The following PLAGL1 variants were observed in gnomAD, a reference collection of about 807,000 sequenced individuals.
The protein encoded by PLAGL1 is PLAG1 like zinc finger 1.
PLAGL1 carries 1 observed loss-of-function variant against 4.6 expected under a neutral mutation model. The ratio of observed to expected loss-of-function variants is 0.22; its 90% CI spans 0.08 to 1.03. PLAGL1 has a LOEUF of 1.03. Among genes scored for constraint, PLAGL1 ranks in the 50% least tolerant of loss-of-function variants. The pLI is 0.58. For missense variants in PLAGL1, 464 were observed against 570.4 expected (o/e 0.81, Z 1.90); for synonymous variants, 240 against 237.8 (o/e 1.01, Z -0.08).
chr6:143,986,162 C>A (rs1789108362), intron 1 of PLAGL1, among the ~76,000 whole-genome samples: 3 of 151,346 alleles, frequency 2.0e-5, no homozygotes, highest in Admixed American at 2.0e-4. Flanking sequence ...CTCTGGGCAC[C>A]CAGACTCTAC....
chr6:143,951,295 C>T (rs1396957858), intron 6 of PLAGL1, among the ~76,000 whole-genome samples: 1 of 152,202 alleles, frequency 6.6e-6, no homozygotes, highest in Non-Finnish European at 1.5e-5. Context: ...AACCATGTGT[C>T]AATGTACAGC....
rs930211674 is a variant in PLAGL1 at position 144,048,410 on chromosome 6, A to G, written c.-151+16058T>C. On this transcript the variant is annotated intron_variant, in intron 1 of 3. Coordinates refer to the PLAGL1 transcript ENST00000437412. This position sits in a 1 kb window ranked among gnomAD's most constrained non-coding sequence, Gnocchi z 4.8. ...TGGACTACGCTAGCAGAGGTTCTCC[A>G]TGAGAGCTCCACCCCTGCAGGAGAC... 6.6e-6 allele frequency among the ~76,000 whole-genome samples: 1 copy of G among 152,226 alleles called. No individual in the cohort carries two copies. The highest frequency in any genetic ancestry group is 1.5e-5 in the Non-Finnish European group (1 of 68,044).
At chr6:144,009,071 A>G (rs769325374), upstream of PLAGL1, among the ~76,000 whole-genome samples, 2 of 152,216 alleles carry the variant, frequency 1.3e-5, no homozygotes, top group Non-Finnish European at 2.9e-5. Flanking sequence ...AGATTAAGAG[A>G]GGTGTAAGGA....
chr6:143,952,108 C>T lies in PLAGL1; in HGVS notation c.-324-3648G>A, dbSNP rs764842125. Among the ~76,000 whole-genome samples the T allele has an allele frequency of 3.9e-5, 6 of 152,216 alleles. No individual in the cohort carries two copies. Among genetic ancestry groups the T allele is most frequent in the South Asian group, 2.1e-4 (1 of 4,816 alleles). Reference sequence around the variant, plus strand: ...GGGTCAAAGCTTAGCTATTAAAAAACGACAACAACAACAACAACAACTGTG... The same window carrying T: ...GGGTCAAAGCTTAGCTATTAAAAAATGACAACAACAACAACAACAACTGTG... On this transcript the variant is annotated intron_variant, in intron 6 of 7. Coordinates refer to ENST00000674357, the MANE Select transcript of PLAGL1 (RefSeq NM_001317162.2). This position sits in a 1 kb window ranked among gnomAD's most constrained non-coding sequence, Gnocchi z 6.1.
At position 143,945,621 on chromosome 6, in the gene PLAGL1, G is replaced by A. The variant is rs760003405; in HGVS notation, c.152+2364C>T. 4.6e-5 allele frequency among the ~76,000 whole-genome samples: 7 copies of A among 152,076 alleles called. No homozygotes were observed. Among genetic ancestry groups the A allele is most frequent in the Admixed American group, 6.6e-5 (1 of 15,260 alleles). ...CTCCCGAGTAGCTGGGATTACAGGC[G>A]TGTACCACCACGCCCAGCTAATTTT... On this transcript the variant is annotated intron_variant, in intron 7 of 7. Coordinates refer to ENST00000674357, the MANE Select transcript of PLAGL1 (RefSeq NM_001317162.2). The surrounding 1 kb of genome is among the most constrained non-coding windows in gnomAD (Gnocchi z 4.2).
chr6:144,030,281 AAAG>A (rs1554278266), intron 1 of PLAGL1, among the ~76,000 whole-genome samples: 4 of 132,902 alleles, frequency 3.0e-5, no homozygotes, highest in African/African-American at 1.3e-4. Flanking sequence ...AAAAAAAAAA[AAAG>A]AAGATGTAAA....
At chr6:143,986,470 C>T (rs538863584) in intron 1 of PLAGL1, among the ~76,000 whole-genome samples, 1 of 152,196 alleles carries the variant, frequency 6.6e-6, no homozygotes, top group East Asian at 1.9e-4. Flanking sequence ...TGACAGGCAG[C>T]AGTTTATACA....
chr6:143,948,101 C>T lies in PLAGL1; in HGVS notation c.36G>A (p.Thr12=), dbSNP rs141506249. ...TCGTGAACTTCTCCAGGGTGAGGAA[C>T]GTCTTGCCACATAACTGGCAGGGGA... is the stretch of plus-strand genomic sequence containing the variant. The part of the protein sequence containing the change: ...ATFPCQLCGK[T]FLTLEKFTIH... Residue 12 remains threonine (T), a synonymous_variant, in exon 7 of 8, where the codon ACG becomes ACA. Coordinates refer to ENST00000674357, the MANE Select transcript of PLAGL1 (RefSeq NM_001317162.2). This position sits in a 1 kb window ranked among gnomAD's most constrained non-coding sequence, Gnocchi z 6.0. The T allele has an allele frequency of 4.3e-5, 70 of 1,613,742 alleles. No individual in the cohort carries two copies. The highest frequency in any genetic ancestry group is 8.8e-5 in the South Asian group (8 of 91,072).
rs199962279 is a variant in PLAGL1 at position 144,000,321 on chromosome 6, GAA to G, written c.-584+7767_-584+7768del. ...AGAGATTTGAAGATCAGAAGGAAAA[GAA>G]AAAAATCATTTCTTGCAAATTATGT... On this transcript the variant is annotated intron_variant, in intron 1 of 7. Coordinates refer to ENST00000674357, the MANE Select transcript of PLAGL1 (RefSeq NM_001317162.2). This position sits in a 1 kb window ranked among gnomAD's most constrained non-coding sequence, Gnocchi z 4.1. Among the ~76,000 whole-genome samples, 2 of 151,778 alleles carry G rather than the reference GAA, an allele frequency of 1.3e-5. No individual in the cohort carries two copies. Among genetic ancestry groups the G allele is most frequent in the African/African-American group, 4.8e-5 (2 of 41,436 alleles).
Position 143,963,047 on chromosome 6 carries a change from G to A in PLAGL1, c.-399+1740C>T, listed in dbSNP as rs549345435. On this transcript the variant is annotated intron_variant, in intron 5 of 7. Coordinates refer to ENST00000674357, the MANE Select transcript of PLAGL1 (RefSeq NM_001317162.2). This position sits in a 1 kb window ranked among gnomAD's most constrained non-coding sequence, Gnocchi z 6.1. ...AGATTATTTCTTTGAAATGAAGCCT[G>A]AGTGGGATATTCAGATTCACCTCCA... Among the ~76,000 whole-genome samples the A allele has an allele frequency of 6.6e-6, 1 of 152,304 alleles. No individual in the cohort carries two copies. The highest frequency in any genetic ancestry group is 6.5e-5 in the Admixed American group (1 of 15,306).
intron 1 of PLAGL1, among the ~76,000 whole-genome samples, chr6:144,023,835 G>A (rs1796147216): frequency 7.5e-6 from 1 of 132,956 alleles, no homozygotes; most frequent in Admixed American, 8.4e-5. Context: ...GGAGTGCAGT[G>A]GTGCAATCTT....
rs577023725 is a variant in PLAGL1 at position 143,947,468 on chromosome 6, C to T, written c.152+517G>A. Among the ~76,000 whole-genome samples, 13 of 152,344 alleles carry T rather than the reference C, an allele frequency of 8.5e-5. No individual in the cohort carries two copies. In the South Asian group the frequency reaches 1.7e-3, roughly 19 times the overall value. On this transcript the variant is annotated intron_variant, in intron 7 of 7. Transcript: ENST00000674357. This position sits in a 1 kb window ranked among gnomAD's most constrained non-coding sequence, Gnocchi z 4.3. ...TCAGACAGAGGTAAGGCCTGCTATA[C>T]GTGGCTTCCTTCCTGCCTGCACTTT...
In PLAGL1 at chr6:144,055,198, T is replaced by C. The variant is rs1409739206; in HGVS notation, c.-151+9270A>G. ...CCACAGATATTCATATCCACAGATA[T>C]TCATGAAAACACACTTACCCAGAAA... On this transcript the variant is annotated intron_variant, in intron 1 of 3. Coordinates refer to the PLAGL1 transcript ENST00000437412. The surrounding 1 kb of genome is among the most constrained non-coding windows in gnomAD (Gnocchi z 5.0). Among the ~76,000 whole-genome samples the C allele has an allele frequency of 1.3e-5, 2 of 152,094 alleles. No individual in the cohort carries two copies. Among genetic ancestry groups the C allele is most frequent in the Non-Finnish European group, 2.9e-5 (2 of 68,008 alleles).
In PLAGL1 at chr6:143,959,123, A is replaced by G. The variant is rs560005223; in HGVS notation, c.-325+1346T>C. Among the ~76,000 whole-genome samples the G allele has an allele frequency of 2.8e-4, 43 of 152,202 alleles. No individual in the cohort carries two copies. Among genetic ancestry groups the G allele is most frequent in the African/African-American group, 1.0e-3 (42 of 41,534 alleles). On this transcript the variant is annotated intron_variant, in intron 6 of 7. Coordinates refer to ENST00000674357, the MANE Select transcript of PLAGL1 (RefSeq NM_001317162.2). This position sits in a 1 kb window ranked among gnomAD's most constrained non-coding sequence, Gnocchi z 5.3. Reference sequence around the variant, plus strand: ...CCCCGGAGGCCGGCACCTTGCTCACAATAAGCCTCAATTTCCCACCGCTGC... The same window carrying G: ...CCCCGGAGGCCGGCACCTTGCTCACGATAAGCCTCAATTTCCCACCGCTGC...
chr6:144,018,675 A>T (rs572614544), intron 1 of PLAGL1, among the ~76,000 whole-genome samples: 41 of 152,326 alleles, frequency 2.7e-4, no homozygotes, highest in African/African-American at 8.4e-4. Context: ...TAATTTTTTT[A>T]AAAGTGATGT....
chr6:144,017,955 G>A (rs1463393840), intron 1 of PLAGL1, among the ~76,000 whole-genome samples: 5 of 152,164 alleles, frequency 3.3e-5, no homozygotes, highest in Non-Finnish European at 4.4e-5. Context: ...TACACCACAA[G>A]GTTCAAGATT....
At chr6:144,054,444 T>G (rs1562616907) in intron 1 of PLAGL1, among the ~76,000 whole-genome samples, 1 of 152,160 alleles carries the variant, frequency 6.6e-6, no homozygotes, top group Non-Finnish European at 1.5e-5. Context: ...TCATGTCCCT[T>G]GCAGGGGCAT....
In PLAGL1 at chr6:143,975,896, T is replaced by A. The variant is rs1044449952; in HGVS notation, c.-543-6918A>T. Among the ~76,000 whole-genome samples the A allele has an allele frequency of 2.0e-5, 3 of 152,194 alleles. No homozygotes were observed. Among genetic ancestry groups the A allele is most frequent in the East Asian group, 1.9e-4 (1 of 5,202 alleles). On this transcript the variant is annotated intron_variant, in intron 2 of 7. Transcript: ENST00000674357. This position sits in a 1 kb window ranked among gnomAD's most constrained non-coding sequence, Gnocchi z 5.8. ...AAGAAATTCACAGACTGTTACCACT[T>A]GAAGAGAAAAATACACACAGGGATA...
chr6:144,001,471 G>A (rs761729954), intron 1 of PLAGL1, among the ~76,000 whole-genome samples: 7 of 152,124 alleles, frequency 4.6e-5, no homozygotes, highest in South Asian at 2.1e-4. Context: ...AATAATTGCT[G>A]CAGGCAAGAT....
Sources: allele counts gnomAD v4.1 joint callset (sites outside exome capture counted in the v4.1 genomes callset), GRCh38; gene constraint gnomAD v4.1.1; non-coding constraint Gnocchi (gnomAD v3.1); transcripts MANE v1.5; gene names NCBI Gene and HGNC (gene_info 2026-07-23, HGNC 2026-07-21).